ARIH1: variants seen among roughly 807,000 people sequenced by gnomAD.
The protein encoded by ARIH1 is ariadne RBR E3 ubiquitin protein ligase 1, also known as E3 ubiquitin-protein ligase ARIH1.
In ARIH1, 8 loss-of-function variants were observed where a neutral mutation model predicts 85.0. The observed-to-expected ratio is 0.09, with a 90% confidence interval of 0.06 to 0.17. The LOEUF is 0.17. Among genes scored for constraint, ARIH1 ranks in the 10% least tolerant of loss-of-function variants. The pLI is 1.00. For synonymous variants in ARIH1, 238 were observed against 253.6 expected, an observed-to-expected ratio of 0.94 and a Z score of 0.59; for missense variants, 311 against 718.1, an observed-to-expected ratio of 0.43 and a Z score of 6.48.
intron 1 of ARIH1, among the ~76,000 whole-genome samples, chr15:72,482,604 T>C (rs2063820610): frequency 6.6e-6 from 1 of 152,180 alleles, no homozygotes; most frequent in African/African-American, 2.4e-5. Context: ...TGATGAAAGG[T>C]AAGCAGAAGT....
chr15:72,536,245 A>G (rs979021915), intron 2 of ARIH1, among the ~76,000 whole-genome samples: 3 of 152,132 alleles, frequency 2.0e-5, no homozygotes, highest in African/African-American at 7.2e-5. Context: ...TGTCCTCCAT[A>G]CTTTTATTTT....
intron 2 of ARIH1, among the ~76,000 whole-genome samples, chr15:72,524,249 T>C (rs2064015895): frequency 6.7e-6 from 1 of 149,618 alleles, no homozygotes; most frequent in African/African-American, 2.5e-5. Context: ...GCCCGGCCTT[T>C]TTTTTTTTTT....
chr15:72,505,657 C>A (rs1268787322), intron 1 of ARIH1, among the ~76,000 whole-genome samples: 1 of 152,080 alleles, frequency 6.6e-6, no homozygotes, highest in African/African-American at 2.4e-5. Context: ...GCCAAACTAC[C>A]CTCAGAAAAG....
chr15:72,487,947 T>G (rs1595849775), intron 1 of ARIH1, among the ~76,000 whole-genome samples: 3 of 152,238 alleles, frequency 2.0e-5, no homozygotes, highest in African/African-American at 7.2e-5. Context: ...TTGCACTGTT[T>G]GTAATTCTTT....
At chr15:72,534,407 A>G (rs2064071745) in intron 2 of ARIH1, among the ~76,000 whole-genome samples, 1 of 152,080 alleles carries the variant, frequency 6.6e-6, no homozygotes, top group Non-Finnish European at 1.5e-5. Context: ...GTTTTATAAC[A>G]GTTTGTAAGC....
At chr15:72,485,992 CA>C (rs2063836063) in intron 1 of ARIH1, among the ~76,000 whole-genome samples, 1 of 152,130 alleles carries the variant, frequency 6.6e-6, no homozygotes, top group African/African-American at 2.4e-5. Context: ...GCATTATTTT[CA>C]GTGTTTTAAA....
rs895510575 is a variant in ARIH1 at position 72,602,956 on chromosome 15, T to C, written c.*19664T>C. The C allele has an allele frequency of 1.3e-5, 2 of 152,190 alleles. No homozygotes were observed. Among genetic ancestry groups the C allele is most frequent in the African/African-American group, 4.8e-5 (2 of 41,438 alleles). The allele number at this position is 152,190 out of a possible 1,614,324, so 9.4% of individuals were successfully genotyped here. Reference sequence around the variant, plus strand: ...CGTCTCCATTTTGCTATGGCAAACATTTTTTTCCAGAAATATATCAGATAA... The same window carrying C: ...CGTCTCCATTTTGCTATGGCAAACACTTTTTTCCAGAAATATATCAGATAA... On this transcript the variant is annotated 3_prime_UTR_variant, in exon 14 of 14. Transcript: ENST00000379887.
intron 1 of ARIH1, among the ~76,000 whole-genome samples, chr15:72,515,394 A>C (rs2063970649): frequency 6.6e-6 from 1 of 152,186 alleles, no homozygotes. Context: ...AGTCTTTGAT[A>C]ATTGTAATAT....
At chr15:72,560,586 G>A (rs897365273) in intron 5 of ARIH1, among the ~76,000 whole-genome samples, 1 of 152,152 alleles carries the variant, frequency 6.6e-6, no homozygotes, top group African/African-American at 2.4e-5. Context: ...CAATATTCTT[G>A]TCTTTCCAAG....
At chr15:72,529,276 TATCTCACC>T (rs2064044947) in intron 2 of ARIH1, among the ~76,000 whole-genome samples, 1 of 152,198 alleles carries the variant, frequency 6.6e-6, no homozygotes, top group South Asian at 2.1e-4. Context: ...CCTATCTCAC[TATCTCACC>T]TAGACTGGAG....
At position 72,534,082 on chromosome 15, in the gene ARIH1, A is replaced by C. The variant is rs538592521; in HGVS notation, c.444-10738A>C. Reference sequence around the variant, plus strand: ...GCAAAAGCTACAAGCCACAGCATAGATAAATCTTAAAAACATAGTGAAAAG... The same window carrying C: ...GCAAAAGCTACAAGCCACAGCATAGCTAAATCTTAAAAACATAGTGAAAAG... On this transcript the variant is annotated intron_variant, in intron 2 of 13. Coordinates refer to ENST00000379887, the MANE Select transcript of ARIH1 (RefSeq NM_005744.5). Among the ~76,000 whole-genome samples the C allele has an allele frequency of 2.0e-5, 3 of 152,318 alleles. No individual in the cohort carries two copies. The South Asian group carries it at 6.2e-4, about 32-fold the overall frequency.
At position 72,587,322 on chromosome 15, in the gene ARIH1, T is replaced by G. The variant is rs757195293; in HGVS notation, c.*4030T>G. The stretch of plus-strand genomic sequence containing the variant: ...GTAGTTCTTAACTATATTGTACTTT[T>G]AAACCACATTAAAGACTATTATAAA... On this transcript the variant is annotated 3_prime_UTR_variant, in exon 14 of 14. Transcript: ENST00000379887. The G allele has an allele frequency of 2.0e-6, 1 of 503,088 alleles. No individual in the cohort carries two copies. Among genetic ancestry groups the G allele is most frequent in the South Asian group, 1.5e-5 (1 of 68,220 alleles). The allele number at this position is 503,088 out of a possible 1,614,324, so 31.2% of individuals were successfully genotyped here.
chr15:72,580,760 G>A lies in ARIH1; in HGVS notation c.1245G>A (p.Leu415=), dbSNP rs756571213. The change falls in exon 12 of 14, where the codon CTG becomes CTA. Residue 415 remains leucine (L), a synonymous_variant. Transcript: ENST00000379887. ...ERSRAALQRY[L]FYCNRYMNHM... The stretch of plus-strand genomic sequence containing the variant: ...CTAGGGCAGCCCTGCAGAGGTACCT[G>A]TTCTACTGTAATCGCTATATGAACC... 3.7e-6 allele frequency: 6 copies of A among 1,614,038 alleles called. No individual in the cohort carries two copies. The South Asian group carries it at 5.5e-5, about 15-fold the overall frequency.
chr15:72,478,652 C>G (rs2063803654), intron 1 of ARIH1, among the ~76,000 whole-genome samples: 1 of 152,096 alleles, frequency 6.6e-6, no homozygotes, highest in African/African-American at 2.4e-5. Flanking sequence ...AACTCCACTT[C>G]CAGAGATTCT....
intron 9 of ARIH1, 147 bp downstream of exon 9, chr15:72,567,324 T>G: frequency 1.6e-6 from 1 of 627,920 alleles, no homozygotes; most frequent in Non-Finnish European, 2.7e-6. Context: ...CCAGAATGTT[T>G]GCCTGTTATT....
chr15:72,509,525 C>T (rs970372822), intron 1 of ARIH1, among the ~76,000 whole-genome samples: 7 of 152,072 alleles, frequency 4.6e-5, no homozygotes, highest in African/African-American at 9.7e-5. Context: ...GTCAAACCCT[C>T]CCCCACCTTT....
rs2064374441 is a variant in ARIH1 at position 72,599,321 on chromosome 15, C to G, written c.*16029C>G. 1 of 152,130 alleles carries G rather than the reference C, an allele frequency of 6.6e-6. No individual in the cohort carries two copies. Among genetic ancestry groups the G allele is most frequent in the Admixed American group, 6.6e-5 (1 of 15,244 alleles). The allele number at this position is 152,130 out of a possible 1,614,324, so 9.4% of individuals were successfully genotyped here. ...TACAGGTGTGAGCCATCGCTCCTGG[C>G]CTCATTAACTGTTTTCAAAAGTAAA... On this transcript the variant is annotated 3_prime_UTR_variant, in exon 14 of 14. Transcript: ENST00000379887.
chr15:72,501,506 A>G lies in ARIH1; in HGVS notation c.376-16561A>G, dbSNP rs181732131. 1.1e-4 allele frequency among the ~76,000 whole-genome samples: 16 copies of G among 152,330 alleles called. No homozygotes were observed. In the East Asian group the frequency reaches 2.3e-3, roughly 22 times the overall value. On this transcript the variant is annotated intron_variant, in intron 1 of 13. Transcript: ENST00000379887. ...AAAGTACTGGTTCAAATGCTGTTAA[A>G]AATCAAATTTTTGTATGCTGTCTCT... is the stretch of plus-strand genomic sequence containing the variant.
At chr15:72,548,697 C>T (rs1179247869) in intron 3 of ARIH1, among the ~76,000 whole-genome samples, 1 of 152,214 alleles carries the variant, frequency 6.6e-6, no homozygotes, top group African/African-American at 2.4e-5. Context: ...AAGTAAATGT[C>T]ACCTGAAACT....
Sources: allele counts gnomAD v4.1 joint callset (sites outside exome capture counted in the v4.1 genomes callset), GRCh38; gene constraint gnomAD v4.1.1; transcripts MANE v1.5; gene names NCBI Gene and HGNC (gene_info 2026-07-23, HGNC 2026-07-21).